Variants in MATN2 observed in about 807,000 individuals in gnomAD.
MATN2 encodes matrilin-2.
MATN2 carries 69 observed loss-of-function variants against 103.2 expected under a neutral mutation model. That is an observed-to-expected ratio of 0.67 (90% CI 0.55 to 0.82). The LOEUF is 0.82. MATN2 is among the 40% of genes least tolerant of loss of function. The probability of loss-of-function intolerance (pLI) is 0.00; values close to 1 mark genes in which losing one functional copy is unlikely to be tolerated. For missense variants in MATN2, 1,023 were observed against 1,211.5 expected (o/e 0.84, Z 2.31); for synonymous variants, 429 against 450.2 (o/e 0.95, Z 0.60).
chr8:98,021,440 C>A, intron 13 of MATN2, 113 bp downstream of exon 13: 1 of 1,167,210 alleles, frequency 8.6e-7, no homozygotes, highest in Non-Finnish European at 1.2e-6. Context: ...AATATAAATG[C>A]ATATGCACAA....
At position 98,035,677 on chromosome 8, in the gene MATN2, A is replaced by G; in HGVS notation, c.2836A>G (p.Met946Val). Reference sequence around the variant, plus strand: ...TTTACTAGAAGAAATGACACAGAGAATGGAAGCCCTGGAAAATCGCCTGAG... The same window carrying G: ...TTTACTAGAAGAAATGACACAGAGAGTGGAAGCCCTGGAAAATCGCCTGAG... ...TQRLEEMTQR[M>V]EALENRLRYR Residue 946 changes from methionine to valine, a missense_variant, in exon 19 of 19, where the codon ATG (methionine) becomes GTG (valine). By Grantham distance (21) the Met-to-Val change is conservative (BLOSUM62 1). Coordinates refer to ENST00000254898, the MANE Select transcript of MATN2 (RefSeq NM_002380.5). The G allele has an allele frequency of 6.3e-7, 1 of 1,593,752 alleles. No individual in the cohort carries two copies. Among genetic ancestry groups the G allele is most frequent in the Non-Finnish European group, 8.6e-7 (1 of 1,166,766 alleles).
At chr8:98,031,229 T>A (rs1178039577) in intron 15 of MATN2, among the ~76,000 whole-genome samples, 2 of 152,048 alleles carry the variant, frequency 1.3e-5, no homozygotes, top group African/African-American at 4.8e-5. Context: ...TCTCAGCTAC[T>A]TGGGAGACTG....
intron 1 of MATN2, among the ~76,000 whole-genome samples, chr8:97,881,913 C>CATT (rs1554597815): frequency 1.2e-5 from 1 of 84,090 alleles, no homozygotes; most frequent in Non-Finnish European, 2.1e-5. Flanking sequence ...TATTACTTAT[C>CATT]TTTTTTTTTT....
intron 4 of MATN2, among the ~76,000 whole-genome samples, chr8:97,946,708 A>G (rs1046753989): frequency 1.3e-5 from 2 of 152,072 alleles, no homozygotes; most frequent in Non-Finnish European, 2.9e-5. Flanking sequence ...CATTTAGAAA[A>G]CTCCATTTGG....
At chr8:97,983,578 G>A (rs1396107506) in intron 6 of MATN2, among the ~76,000 whole-genome samples, 1 of 152,196 alleles carries the variant, frequency 6.6e-6, no homozygotes, top group Non-Finnish European at 1.5e-5. Flanking sequence ...TGGGCTTTGA[G>A]TCTAATGCTT....
At chr8:97,954,390 C>T (rs1811074308) in intron 4 of MATN2, among the ~76,000 whole-genome samples, 2 of 152,198 alleles carry the variant, frequency 1.3e-5, no homozygotes, top group South Asian at 4.1e-4. Context: ...TACCTATTTG[C>T]TTTGTTTACT....
intron 5 of MATN2, among the ~76,000 whole-genome samples, chr8:97,962,105 T>C (rs947646535): frequency 1.3e-5 from 2 of 152,232 alleles, no homozygotes; most frequent in African/African-American, 4.8e-5. Context: ...CAGTGCTTGA[T>C]GCTGCAGACA....
At chr8:97,876,386 TC>T (rs1438680766) in intron 1 of MATN2, among the ~76,000 whole-genome samples, 1 of 152,052 alleles carries the variant, frequency 6.6e-6, no homozygotes, top group Non-Finnish European at 1.5e-5. Flanking sequence ...TTGGGATTTC[TC>T]CATGTTGGTC....
intron 14 of MATN2, among the ~76,000 whole-genome samples, 166 bp from the exon 15 acceptor site, chr8:98,030,296 C>G (rs1024696692): frequency 1.3e-5 from 2 of 152,134 alleles, no homozygotes; most frequent in African/African-American, 4.8e-5. Flanking sequence ...CCCTTTTGTT[C>G]ATAGGACCAA....
chr8:97,978,358 A>G (rs542918350), intron 5 of MATN2, among the ~76,000 whole-genome samples: 5 of 152,186 alleles, frequency 3.3e-5, no homozygotes, highest in Non-Finnish European at 7.4e-5. Flanking sequence ...CCCTTATTCA[A>G]TGTTCATCTT....
intron 8 of MATN2, among the ~76,000 whole-genome samples, chr8:98,004,870 T>A (rs1045113586): frequency 1.3e-5 from 2 of 152,224 alleles, no homozygotes; most frequent in Non-Finnish European, 2.9e-5. Context: ...TGGTTTTTTA[T>A]GAGGCACCAT....
At chr8:98,017,439 C>T (rs1294861368) in intron 11 of MATN2, among the ~76,000 whole-genome samples, 1 of 152,180 alleles carries the variant, frequency 6.6e-6, no homozygotes, top group Non-Finnish European at 1.5e-5. Flanking sequence ...GAGTGTGTGA[C>T]CCTGGTTTCC....
intron 1 of MATN2, among the ~76,000 whole-genome samples, chr8:97,886,361 G>A (rs1463304745): frequency 6.6e-6 from 1 of 152,148 alleles, no homozygotes; most frequent in African/African-American, 2.4e-5. Context: ...TGGAAAAATT[G>A]TCTTCCACAA....
chr8:97,876,682 G>C (rs1267145706), intron 1 of MATN2, among the ~76,000 whole-genome samples: 1 of 152,142 alleles, frequency 6.6e-6, no homozygotes. Context: ...GAAGCAGCTG[G>C]ATTAGTTTTC....
intron 4 of MATN2, among the ~76,000 whole-genome samples, chr8:97,956,079 G>A (rs965409963): frequency 6.6e-6 from 1 of 152,240 alleles, no homozygotes; most frequent in Non-Finnish European, 1.5e-5. Context: ...AAGAGACGGT[G>A]TTACAGCCCT....
chr8:97,888,070 C>T lies in MATN2; in HGVS notation c.-26-5C>T. The T allele has an allele frequency of 1.2e-6, 2 of 1,603,544 alleles. No homozygotes were observed. Among genetic ancestry groups the T allele is most frequent in the Non-Finnish European group, 1.7e-6 (2 of 1,175,624 alleles). The stretch of plus-strand genomic sequence containing the variant: ...TGCCCTCTTCTTGTGTTGTGTTTGT[C>T]ACAGCCTTGCCCCTCTTGCTCGCCT... On this transcript the variant is annotated splice_region_variant and splice_polypyrimidine_tract_variant and intron_variant, in intron 1 of 18. Coordinates refer to ENST00000254898, the MANE Select transcript of MATN2 (RefSeq NM_002380.5).
chr8:98,034,725 G>T (rs536202144), intron 18 of MATN2, among the ~76,000 whole-genome samples: 2 of 152,046 alleles, frequency 1.3e-5, no homozygotes, highest in African/African-American at 4.8e-5. Flanking sequence ...CCTCAAAACC[G>T]TGGCCTTATG....
chr8:97,941,021 G>A (rs1810535645), intron 3 of MATN2, among the ~76,000 whole-genome samples: 1 of 151,790 alleles, frequency 6.6e-6, no homozygotes, highest in African/African-American at 2.4e-5. Flanking sequence ...AATTAGCCGG[G>A]CATGGTGGCA....
At chr8:97,924,042 C>T (rs1809903459) in intron 2 of MATN2, among the ~76,000 whole-genome samples, 1 of 152,186 alleles carries the variant, frequency 6.6e-6, no homozygotes, top group Admixed American at 6.5e-5. Context: ...TGTCTTTCAC[C>T]TCAATTCCTC....
Sources: allele counts gnomAD v4.1 joint callset (sites outside exome capture counted in the v4.1 genomes callset), GRCh38; gene constraint gnomAD v4.1.1; transcripts MANE v1.5; gene names NCBI Gene and HGNC (gene_info 2026-07-23, HGNC 2026-07-21).